Variants in PREPL observed in about 807,000 individuals in gnomAD.
PREPL encodes prolyl endopeptidase like, also known as prolyl endopeptidase-like.
A neutral mutation model predicts 70.6 loss-of-function variants in PREPL; 77 were observed. The ratio of observed to expected loss-of-function variants is 1.09; its 90% CI spans 0.91 to 1.32. The LOEUF (loss-of-function observed/expected upper bound fraction) is 1.32, where lower values mean the gene tolerates loss of function less well. Ranked by LOEUF, PREPL falls within the 40% of genes most tolerant of loss-of-function variation. The pLI is 0.00. For missense variants in PREPL, 1,002 were observed against 778.2 expected (o/e 1.29, Z -3.42); for synonymous variants, 315 against 264.8 (o/e 1.19, Z -1.84).
At chr2:44,325,527 T>G (rs1237348206) in intron 10 of PREPL, among the ~76,000 whole-genome samples, 1 of 152,232 alleles carries the variant, frequency 6.6e-6, no homozygotes, top group East Asian at 1.9e-4. Context: ...GACTTATACA[T>G]GTATAAAAGG....
At chr2:44,326,166 T>A (rs1032510642) in intron 10 of PREPL, among the ~76,000 whole-genome samples, 5 of 152,146 alleles carry the variant, frequency 3.3e-5, no homozygotes, top group African/African-American at 7.2e-5. Flanking sequence ...TAAATGTCCT[T>A]ACAAATACAA....
chr2:44,321,080 C>T lies in PREPL; in HGVS notation c.*276G>A. The T allele has an allele frequency of 2.3e-6, 1 of 429,786 alleles. No homozygotes were observed. The allele number at this position is 429,786 out of a possible 1,614,324, so 26.6% of individuals were successfully genotyped here. A position where few individuals can be genotyped will look rare whatever the true frequency, so the allele number is the denominator to read the frequency against. On this transcript the variant is annotated 3_prime_UTR_variant, in exon 14 of 14. Coordinates refer to ENST00000409411, the MANE Select transcript of PREPL (RefSeq NM_001171613.2). Reference sequence around the variant, plus strand: ...CTGACTGGAAGGGAGGCCTGGAGCTCTGCTATCACCAATCCTTCCCTTCCC... The same window carrying T: ...CTGACTGGAAGGGAGGCCTGGAGCTTTGCTATCACCAATCCTTCCCTTCCC...
intron 7 of PREPL, among the ~76,000 whole-genome samples, chr2:44,335,894 G>T (rs1186854277): frequency 6.6e-6 from 1 of 151,272 alleles, no homozygotes; most frequent in African/African-American, 2.4e-5. Context: ...GTGGGCAAAG[G>T]ACATGAACAG....
rs916681856 is a variant in PREPL at position 44,328,966 on chromosome 2, A to G, written c.1233T>C (p.Asp411=). 3.7e-6 allele frequency: 6 copies of G among 1,613,796 alleles called. No individual in the cohort carries two copies. In the African/African-American group the frequency reaches 4.0e-5, roughly 11 times the overall value. The change falls in exon 9 of 14, where the codon GAT becomes GAC. Residue 411 remains aspartate, a synonymous_variant. Coordinates refer to ENST00000409411, the MANE Select transcript of PREPL (RefSeq NM_001171613.2). ...CATGGCAGTATGCTAATATCCATCC[A>G]TCATCCACCAGGACCCGCCTCTCAG... ...FRPERRVLVD[D]GWILAYCHVR...
At chr2:44,332,408 A>T (rs761752727) in intron 8 of PREPL, 51 bp downstream of exon 8, 1 of 1,491,064 alleles carries the variant, frequency 6.7e-7, no homozygotes, top group Non-Finnish European at 9.3e-7. Flanking sequence ...CATCTGGCAA[A>T]CGGTATGCTT....
At position 44,318,257 on chromosome 2, in the gene PREPL, A is replaced by C. The variant is rs1672604113; in HGVS notation, c.*3099T>G. 3.3e-6 allele frequency: 1 copy of C among 300,246 alleles called. No homozygotes were observed. The highest frequency in any genetic ancestry group is 2.5e-5 in the South Asian group (1 of 40,036). 18.6% of individuals were successfully genotyped at this position (300,246 alleles called of 1,614,324 possible). On this transcript the variant is annotated 3_prime_UTR_variant, in exon 14 of 14. Coordinates refer to ENST00000409411, the MANE Select transcript of PREPL (RefSeq NM_001171613.2). Reference sequence around the variant, plus strand: ...AGGTGCACGTCATTATGCCCGGGTAATTTCTGTATTTTTTAGTAGAGATGG... The same window carrying C: ...AGGTGCACGTCATTATGCCCGGGTACTTTCTGTATTTTTTAGTAGAGATGG...
intron 4 of PREPL, among the ~76,000 whole-genome samples, chr2:44,342,836 T>C (rs1033729765): frequency 2.0e-5 from 3 of 152,190 alleles, no homozygotes; most frequent in Non-Finnish European, 4.4e-5. Flanking sequence ...GGAAAGACAT[T>C]GGTAAAGTCA....
intron 3 of PREPL, among the ~76,000 whole-genome samples, chr2:44,344,161 A>C (rs1675526982): frequency 6.6e-6 from 1 of 152,180 alleles, no homozygotes; most frequent in South Asian, 2.1e-4. Context: ...CTGTGCATCA[A>C]CCTATGAGAC....
chr2:44,361,581 C>G (rs1463039937), upstream of PREPL: 1 of 160,470 alleles, frequency 6.2e-6, no homozygotes, highest in East Asian at 1.8e-4. Context: ...CAATCTAGCA[C>G]GAGCAACAGG....
chr2:44,352,171 C>T (rs1676513165), intron 1 of PREPL, among the ~76,000 whole-genome samples: 1 of 152,228 alleles, frequency 6.6e-6, no homozygotes, highest in South Asian at 2.1e-4. Flanking sequence ...CCTATCCCCA[C>T]ACTGCCTATT....
At chr2:44,327,528 A>T (rs1394686690) in intron 9 of PREPL, among the ~76,000 whole-genome samples, 1 of 152,172 alleles carries the variant, frequency 6.6e-6, no homozygotes, top group East Asian at 1.9e-4. Context: ...CACAGCATGT[A>T]TAAGGGCAAG....
chr2:44,327,802 G>A (rs375470093), intron 9 of PREPL, among the ~76,000 whole-genome samples: 39 of 152,160 alleles, frequency 2.6e-4, no homozygotes, highest in South Asian at 2.3e-3. Context: ...GGCGGAGGTT[G>A]CAGTGAGCGG....
At position 44,326,843 on chromosome 2, in the gene PREPL, T is replaced by C; in HGVS notation, c.1348A>G (p.Ile450Val). ...LNGLADLEACIKTLHGQGFSQ... is the reference protein window; with the variant it reads ...LNGLADLEACVKTLHGQGFSQ... ...AAGCCTTGGCCATGAAGCGTCTTAA[T>C]GCAAGCCTCTAAATCAGCAAGGCCA... The change falls in exon 10 of 14, where the codon ATT (isoleucine) becomes GTT (valine). Residue 450 changes from isoleucine to valine, a missense_variant. Ile to Val is a conservative substitution (Grantham distance 29). Coordinates refer to ENST00000409411, the MANE Select transcript of PREPL (RefSeq NM_001171613.2). 6.2e-7 allele frequency: 1 copy of C among 1,614,190 alleles called. No homozygotes were observed. The highest frequency in any genetic ancestry group is 8.5e-7 in the Non-Finnish European group (1 of 1,180,030).
chr2:44,359,756 A>G (rs768157289), intron 1 of PREPL: 10 of 1,387,294 alleles, frequency 7.2e-6, no homozygotes, highest in Non-Finnish European at 9.2e-6. Context: ...TGGGGCTGCC[A>G]GCACACGAAT....
In PREPL at chr2:44,339,360, G is replaced by A. The variant is rs748899413; in HGVS notation, c.489C>T (p.Tyr163=). 1.2e-6 allele frequency: 2 copies of A among 1,613,494 alleles called. No individual in the cohort carries two copies. Among genetic ancestry groups the A allele is most frequent in the African/African-American group, 1.3e-5 (1 of 74,986 alleles). The change falls in exon 6 of 14, where the codon TAC becomes TAT. Residue 163 remains tyrosine (Y), a synonymous_variant. Coordinates refer to ENST00000409411, the MANE Select transcript of PREPL (RefSeq NM_001171613.2). The part of the protein sequence containing the change: ...ERFYTEKDPS[Y]FVFLYLTKDS... ...CTTTTGTAAGATAAAGGAAAACAAA[G>A]TAGCTAGAGAGAGAGAGAGAGACAT...
chr2:44,318,048 G>A lies in PREPL; in HGVS notation c.*3308C>T. Reference sequence around the variant, plus strand: ...CTAATAATTCCATTCCTAATACTTAGAAATATTTGCACATGTGCACAATAA... The same window carrying A: ...CTAATAATTCCATTCCTAATACTTAAAAATATTTGCACATGTGCACAATAA... On this transcript the variant is annotated 3_prime_UTR_variant, in exon 14 of 14. Coordinates refer to ENST00000409411, the MANE Select transcript of PREPL (RefSeq NM_001171613.2). The A allele has an allele frequency of 2.4e-6, 1 of 420,772 alleles. No homozygotes were observed. The allele number at this position is 420,772 out of a possible 1,614,324, so 26.1% of individuals were successfully genotyped here.
At chr2:44,329,625 T>C (rs1187017324) in intron 8 of PREPL, among the ~76,000 whole-genome samples, 2 of 152,212 alleles carry the variant, frequency 1.3e-5, no homozygotes, top group Non-Finnish European at 2.9e-5. Flanking sequence ...CTGATGTTAC[T>C]GATAACTACC....
Position 44,321,637 on chromosome 2 carries a change from C to G in PREPL, c.1827+190G>C, listed in dbSNP as rs75225457. On this transcript the variant is annotated intron_variant, in intron 13 of 13. Coordinates refer to ENST00000409411, the MANE Select transcript of PREPL (RefSeq NM_001171613.2). The stretch of plus-strand genomic sequence containing the variant: ...AAATTATTTTCTTTAACAGAGCTCA[C>G]GTATCAAGTACAAGAGAGAGACATT... The G allele has an allele frequency of 1.1e-5, 16 of 1,495,456 alleles. No individual in the cohort carries two copies. The African/African-American group carries it at 1.3e-4, about 12-fold the overall frequency. The allele number at this position is 1,495,456 out of a possible 1,614,324, so 92.6% of individuals were successfully genotyped here.
Position 44,318,854 on chromosome 2 carries a change from C to T in PREPL, c.*2502G>A, listed in dbSNP as rs1373315009. 1 of 152,076 alleles carries T rather than the reference C, an allele frequency of 6.6e-6. No homozygotes were observed. Among genetic ancestry groups the T allele is most frequent in the Non-Finnish European group, 1.5e-5 (1 of 67,998 alleles). The allele number at this position is 152,076 out of a possible 1,614,324, so 9.4% of individuals were successfully genotyped here. ...AGGCAATTTTCAAAAATTGATAAAA[C>T]ATTCCACCAAAAATCATGACTACGC... is the stretch of plus-strand genomic sequence containing the variant. On this transcript the variant is annotated 3_prime_UTR_variant, in exon 14 of 14. Coordinates refer to ENST00000409411, the MANE Select transcript of PREPL (RefSeq NM_001171613.2).
Sources: gnomAD v4.1 joint callset for allele counts (sites outside exome capture counted in the v4.1 genomes callset) on GRCh38, gnomAD v4.1.1 for gene constraint, MANE v1.5 for transcripts, NCBI Gene and HGNC (gene_info 2026-07-23, HGNC 2026-07-21) for gene names.